TTC17: variants seen among roughly 807,000 people sequenced by gnomAD.
TTC17 encodes the protein tetratricopeptide repeat protein 17.
In TTC17, 58 loss-of-function variants were observed where a neutral mutation model predicts 143.8. The observed-to-expected ratio is 0.40, with a 90% CI of 0.33 to 0.50. The LOEUF (loss-of-function observed/expected upper bound fraction) is 0.50. Among genes scored for constraint, TTC17 ranks in the 20% least tolerant of loss-of-function variants. The probability of loss-of-function intolerance (pLI) is 0.49; values close to 1 mark genes in which losing one functional copy is unlikely to be tolerated. For missense variants in TTC17, 1,273 were observed against 1,392.5 expected, an observed-to-expected ratio of 0.91 and a Z score of 1.37; for synonymous variants, 501 against 497.8, an observed-to-expected ratio of 1.01 and a Z score of -0.09.
intron 16 of TTC17, among the ~76,000 whole-genome samples, chr11:43,426,510 G>A (rs17594009): frequency 0.087 from 13,260 of 152,156 alleles, 884 homozygotes; most frequent in Admixed American, 0.23. Flanking sequence ...CTGCAATCAG[G>A]GTATTAGGAA....
intron 16 of TTC17, among the ~76,000 whole-genome samples, chr11:43,422,696 G>A (rs1372425094): frequency 1.3e-5 from 2 of 152,178 alleles, no homozygotes; most frequent in East Asian, 3.9e-4. Context: ...TATCCTGAGA[G>A]ATTGAGCTGG....
intron 21 of TTC17, among the ~76,000 whole-genome samples, chr11:43,480,896 A>G (rs1313766912): frequency 6.6e-6 from 1 of 152,048 alleles, no homozygotes; most frequent in East Asian, 1.9e-4. Context: ...GCAAAAAAAA[A>G]AAAAAGCATT....
intron 15 of TTC17, among the ~76,000 whole-genome samples, chr11:43,409,292 A>G (rs1466470058): frequency 6.6e-6 from 1 of 152,190 alleles, no homozygotes; most frequent in African/African-American, 2.4e-5. Context: ...GCTATTATCA[A>G]TGATGGTTTT....
intron 21 of TTC17, among the ~76,000 whole-genome samples, chr11:43,469,368 G>A (rs1204734891): frequency 6.6e-6 from 1 of 152,048 alleles, no homozygotes; most frequent in Non-Finnish European, 1.5e-5. Context: ...TGCTAGAAAT[G>A]TATCAAAGAG....
intron 16 of TTC17, among the ~76,000 whole-genome samples, chr11:43,433,130 A>G (rs1450046058): frequency 6.6e-6 from 1 of 152,142 alleles, no homozygotes; most frequent in Non-Finnish European, 1.5e-5. Flanking sequence ...CCTCCCAAGT[A>G]GCTGGGACTA....
chr11:43,489,437 G>A (rs775527974), intron 21 of TTC17, among the ~76,000 whole-genome samples: 25 of 152,080 alleles, frequency 1.6e-4, no homozygotes, highest in Non-Finnish European at 3.4e-4. Flanking sequence ...TCTGGCAGGA[G>A]ATTAAATTGT....
intron 1 of TTC17, among the ~76,000 whole-genome samples, chr11:43,366,517 A>G (rs1856349915): frequency 6.6e-6 from 1 of 152,028 alleles, no homozygotes; most frequent in South Asian, 2.1e-4. Flanking sequence ...AAAAAAAAAA[A>G]AAAATTGAAT....
At chr11:43,418,561 G>T (rs548087354) in intron 16 of TTC17, among the ~76,000 whole-genome samples, 1 of 151,884 alleles carries the variant, frequency 6.6e-6, no homozygotes, top group Admixed American at 6.6e-5. Context: ...TAACAGCTTC[G>T]TCCTTTTAAA....
At chr11:43,462,223 C>G (rs78767105) in intron 21 of TTC17, among the ~76,000 whole-genome samples, 12,674 of 152,140 alleles carry the variant, frequency 0.083, 882 homozygotes, top group Admixed American at 0.23. Context: ...GAATAGTGCC[C>G]CCCTACAAAG....
At chr11:43,477,664 C>T (rs1216562518) in intron 21 of TTC17, among the ~76,000 whole-genome samples, 4 of 152,306 alleles carry the variant, frequency 2.6e-5, no homozygotes, top group Admixed American at 2.6e-4. Context: ...ATTACTTCCT[C>T]CTGGGTCCTT....
At chr11:43,439,921 C>T (rs180773833) in intron 16 of TTC17, among the ~76,000 whole-genome samples, 1 of 152,302 alleles carries the variant, frequency 6.6e-6, no homozygotes, top group African/African-American at 2.4e-5. Flanking sequence ...ACTGTGGATG[C>T]TCACATTCTC....
At chr11:43,456,589 A>T (rs905855868) in intron 21 of TTC17, among the ~76,000 whole-genome samples, 7 of 152,210 alleles carry the variant, frequency 4.6e-5, no homozygotes, top group South Asian at 2.1e-4. Context: ...AAAACTAGGC[A>T]AGCAACAAGA....
chr11:43,405,480 A>ATTT, intron 11 of TTC17, 34 bp from the exon 12 acceptor site: 2 of 1,537,252 alleles, frequency 1.3e-6, no homozygotes, highest in Non-Finnish European at 1.8e-6. Flanking sequence ...ATTGAATCCA[A>ATTT]AGAAATTTAT....
intron 21 of TTC17, among the ~76,000 whole-genome samples, chr11:43,472,196 G>A (rs1321838339): frequency 6.6e-6 from 1 of 152,000 alleles, no homozygotes; most frequent in African/African-American, 2.4e-5. Flanking sequence ...ACTAAAAAAA[G>A]CAAACAAACC....
At chr11:43,425,141 T>C (rs980632476) in intron 16 of TTC17, among the ~76,000 whole-genome samples, 44 of 152,134 alleles carry the variant, frequency 2.9e-4, no homozygotes, top group African/African-American at 1.0e-3. Context: ...CAAGCATTTA[T>C]ACAACTCTTC....
At chr11:43,395,667 A>G (rs1477444083) in intron 5 of TTC17, among the ~76,000 whole-genome samples, 3 of 152,204 alleles carry the variant, frequency 2.0e-5, no homozygotes, top group East Asian at 1.9e-4. Context: ...TTTCTTGAAG[A>G]TAGAATACTT....
chr11:43,373,714 A>G (rs1856658858), intron 1 of TTC17, among the ~76,000 whole-genome samples: 1 of 152,252 alleles, frequency 6.6e-6, no homozygotes, highest in Non-Finnish European at 1.5e-5. Flanking sequence ...TGATAATTTC[A>G]TATATTTGAA....
intron 21 of TTC17, among the ~76,000 whole-genome samples, chr11:43,488,538 T>C (rs1384549771): frequency 6.6e-6 from 1 of 151,618 alleles, no homozygotes; most frequent in Non-Finnish European, 1.5e-5. Context: ...AGGTGAATTA[T>C]TAATTAAATT....
intron 16 of TTC17, among the ~76,000 whole-genome samples, chr11:43,441,668 TG>T (rs1195441770): frequency 1.3e-5 from 2 of 152,214 alleles, no homozygotes; most frequent in African/African-American, 2.4e-5. Context: ...TATTTAGTGT[TG>T]TTTTTTTAGG....
Sources: allele counts gnomAD v4.1 joint callset (sites outside exome capture counted in the v4.1 genomes callset), GRCh38; gene constraint gnomAD v4.1.1; transcripts MANE v1.5; gene names NCBI Gene and HGNC (gene_info 2026-07-23, HGNC 2026-07-21).